GALC: variants seen among roughly 807,000 people sequenced by gnomAD.
GALC encodes galactosylceramidase.
GALC carries 77 observed loss-of-function variants against 91.8 expected under a neutral mutation model. The observed-to-expected ratio is 0.84, with a 90% CI of 0.70 to 1.01. The LOEUF (loss-of-function observed/expected upper bound fraction) is 1.01, where lower values mean the gene tolerates loss of function less well. Ranked by LOEUF, GALC falls within the 50% of genes least tolerant of loss-of-function variation. The pLI, the probability that GALC is intolerant of heterozygous loss-of-function variation, is 0.00. For synonymous variants in GALC, 357 were observed against 306.7 expected (o/e 1.16, Z -1.71); for missense variants, 882 against 855.9 (o/e 1.03, Z -0.38).
chr14:87,982,745 A>T (rs77978961), intron 5 of GALC, among the ~76,000 whole-genome samples: 17,208 of 152,262 alleles, frequency 0.11, 1,142 homozygotes, highest in Non-Finnish European at 0.16. Flanking sequence ...AAAGGAACAT[A>T]TATACATCTA....
At chr14:87,992,602 G>C in intron 1 of GALC, 1 of 1,454,334 alleles carries the variant, frequency 6.9e-7, no homozygotes, top group African/African-American at 1.4e-5. Context: ...CCTTTCTGGA[G>C]CGACGCTCCC....
rs772224854 is a variant in GALC, at chr14:87,963,496, A to C, written c.1049T>G (p.Phe350Cys). 12 of 1,612,964 alleles carry C rather than the reference A, an allele frequency of 7.4e-6. No homozygotes were observed. The Admixed American group carries it at 2.0e-4, about 27-fold the overall frequency. ...PVWVSAHTTQ[F>C]TQPGWYYLKT... The stretch of plus-strand genomic sequence containing the variant: ...CAGGTAATACCAGCCAGGTTGAGTA[A>C]ACTGAGTGGTATGAGCTATAGAAAA... Residue 350 changes from phenylalanine (F) to cysteine (C), a missense_variant, in exon 10 of 17, where the codon TTT becomes TGT. By Grantham distance (205) the Phe-to-Cys change is radical (BLOSUM62 -2). Coordinates refer to ENST00000261304, the MANE Select transcript of GALC (RefSeq NM_000153.4).
intron 10 of GALC, chr14:87,952,755 A>T: frequency 6.5e-7 from 1 of 1,527,984 alleles, no homozygotes; most frequent in South Asian, 1.1e-5. Context: ...TGTTCATGTG[A>T]AAGATTACTT....
chr14:87,940,051 TG>T, intron 15 of GALC, 70 bp from the exon 16 acceptor site: 4 of 1,283,372 alleles, frequency 3.1e-6, no homozygotes, highest in Non-Finnish European at 4.5e-6. Context: ...TATAATTCAG[TG>T]GGGTTCTTGA....
At chr14:87,942,066 G>T (rs1884882811) in intron 14 of GALC, among the ~76,000 whole-genome samples, 1 of 151,854 alleles carries the variant, frequency 6.6e-6, no homozygotes, top group Admixed American at 6.6e-5. Flanking sequence ...CAGGAGAAAA[G>T]ATCTAAAATT....
At chr14:87,993,253 C>A, upstream of GALC, 1 of 1,541,106 alleles carries the variant, frequency 6.5e-7, no homozygotes, top group Non-Finnish European at 8.7e-7. Context: ...ATGCTGACGC[C>A]GCCGCCGCCA....
intron 1 of GALC, among the ~76,000 whole-genome samples, chr14:87,991,273 G>GCTCACTGCAACCTCCGC (rs1887189409): frequency 6.6e-6 from 1 of 152,132 alleles, no homozygotes; most frequent in Non-Finnish European, 1.5e-5. Context: ...TGTGATCCCG[G>GCTCACTGCAACCTCCGC]CTCACTGCAA....
In GALC at chr14:87,952,888, C is replaced by T. The variant is rs1187955692; in HGVS notation, c.1162-2140G>A. ...TTTGAAAGCATAGTTCTGCATTTAACTGAAAAGTATCAAAAGCTTCTCAGT... is the reference window on the plus strand; with the variant it reads ...TTTGAAAGCATAGTTCTGCATTTAATTGAAAAGTATCAAAAGCTTCTCAGT... On this transcript the variant is annotated intron_variant, in intron 10 of 16. Coordinates refer to ENST00000261304, the MANE Select transcript of GALC (RefSeq NM_000153.4). 4 of 1,003,402 alleles carry T rather than the reference C, an allele frequency of 4.0e-6. No homozygotes were observed. In the Admixed American group the frequency reaches 7.2e-5, roughly 18 times the overall value. The allele number at this position is 1,003,402 out of a possible 1,614,324, so 62.2% of individuals were successfully genotyped here.
Position 87,947,832 on chromosome 14 carries a change from T to C in GALC, c.1385A>G (p.Glu462Gly). Residue 462 changes from glutamate to glycine, a missense_variant, in exon 13 of 17, where the codon GAG becomes GGG. By Grantham distance (98) the Glu-to-Gly change is moderately conservative (BLOSUM62 -2). Coordinates refer to ENST00000261304, the MANE Select transcript of GALC (RefSeq NM_000153.4). ...GGTGAGAGTGGTGAGTGTGAACAGC[T>C]CATCTTCATGCAGGCTCAGTGTGAA... ...GSFTLSLHED[E>G]LFTLTTLTTG... 1 of 1,612,704 alleles carries C rather than the reference T, an allele frequency of 6.2e-7. No individual in the cohort carries two copies. The highest frequency in any genetic ancestry group is 2.2e-5 in the East Asian group (1 of 44,816).
At chr14:87,992,369 CT>C in intron 1 of GALC, 1 of 1,535,690 alleles carries the variant, frequency 6.5e-7, no homozygotes, top group Non-Finnish European at 8.7e-7. Context: ...AGGCCGCTCG[CT>C]TATCTTCCTT....
In GALC at chr14:87,952,066, T is replaced by A. The variant is rs568185343; in HGVS notation, c.1162-1318A>T. On this transcript the variant is annotated intron_variant, in intron 10 of 16. Coordinates refer to ENST00000261304, the MANE Select transcript of GALC (RefSeq NM_000153.4). The stretch of plus-strand genomic sequence containing the variant: ...TCCCCAAAAAACTGTGGAAATAAAA[T>A]TTTTTTAAAAAGTAAAAATAAAAAT... Among the ~76,000 whole-genome samples the A allele has an allele frequency of 1.8e-3, 270 of 151,480 alleles. 3 individuals carry two copies. The highest frequency in any genetic ancestry group is 5.8e-3 in the African/African-American group (241 of 41,416).
At position 87,934,225 on chromosome 14, in the gene GALC, C is replaced by T. The variant is rs1884474193; in HGVS notation, c.*507G>A. On this transcript the variant is annotated 3_prime_UTR_variant, in exon 17 of 17. Coordinates refer to ENST00000261304, the MANE Select transcript of GALC (RefSeq NM_000153.4). ...GAAAATAAAAAAATACTTTTTAGAG[C>T]ATAAAGCATAACAGGTTGAAGTGGT... 2 of 1,383,348 alleles carry T rather than the reference C, an allele frequency of 1.4e-6. No homozygotes were observed. Among genetic ancestry groups the T allele is most frequent in the Non-Finnish European group, 1.9e-6 (2 of 1,070,204 alleles). The allele number at this position is 1,383,348 out of a possible 1,614,324, so 85.7% of individuals were successfully genotyped here.
chr14:87,962,578 T>TACACAC (rs36205603), intron 10 of GALC, among the ~76,000 whole-genome samples: 88 of 146,538 alleles, frequency 6.0e-4, no homozygotes, highest in African/African-American at 1.9e-3. Context: ...CCTGATATGA[T>TACACAC]ACACACACAC....
rs370259898 is a variant in GALC, at chr14:87,939,917, C to A, written c.1899G>T (p.Thr633=). The part of the protein sequence containing the change: ...EVTAKKWYTL[T]LTIKGHFTSG... ...CAGCAATACTTACCTTAATAGTTAA[C>A]GTGAGTGTATACCATTTTTTTGCTG... The change falls in exon 16 of 17, where the codon ACG becomes ACT. Residue 633 remains threonine, a synonymous_variant. Coordinates refer to ENST00000261304, the MANE Select transcript of GALC (RefSeq NM_000153.4). The A allele has an allele frequency of 3.7e-6, 6 of 1,605,124 alleles. No homozygotes were observed. Among genetic ancestry groups the A allele is most frequent in the Admixed American group, 1.7e-5 (1 of 59,846 alleles).
At chr14:87,950,486 G>A (rs552764503) in intron 11 of GALC, among the ~76,000 whole-genome samples, 173 bp downstream of exon 11, 1 of 151,836 alleles carries the variant, frequency 6.6e-6, no homozygotes, top group African/African-American at 2.4e-5. Flanking sequence ...ACTGGCTTCT[G>A]TCCTGCTAGA....
intron 4 of GALC, among the ~76,000 whole-genome samples, chr14:87,984,993 A>G (rs1886910894): frequency 6.6e-6 from 1 of 152,208 alleles, no homozygotes; most frequent in South Asian, 2.1e-4. Context: ...ATCTTCTTAC[A>G]ATTTAGGGTC....
intron 16 of GALC, among the ~76,000 whole-genome samples, chr14:87,938,982 G>T (rs1482351559): frequency 6.6e-6 from 1 of 151,672 alleles, no homozygotes; most frequent in African/African-American, 2.4e-5. Context: ...AAGTGAACAG[G>T]CAACTTCAGA....
chr14:87,943,238 T>C (rs1884929477), intron 14 of GALC, among the ~76,000 whole-genome samples: 2 of 152,058 alleles, frequency 1.3e-5, no homozygotes. Flanking sequence ...AGAGTTCATC[T>C]GTGTGCAGGG....
chr14:87,945,407 C>T, intron 14 of GALC, 146 bp downstream of exon 14: 1 of 694,390 alleles, frequency 1.4e-6, no homozygotes, highest in Middle Eastern at 4.0e-4. Flanking sequence ...CATCACCATA[C>T]TATTCAACAA....
Sources: allele counts gnomAD v4.1 joint callset (sites outside exome capture counted in the v4.1 genomes callset), GRCh38; gene constraint gnomAD v4.1.1; transcripts MANE v1.5; gene names NCBI Gene and HGNC (gene_info 2026-07-23, HGNC 2026-07-21).